KIF15: variants seen among roughly 807,000 people sequenced by gnomAD.
KIF15 encodes the protein kinesin family member 15, also known as kinesin-like protein KIF15.
Under a neutral mutation model 190.6 loss-of-function variants are expected in KIF15, and 140 were observed. The observed-to-expected ratio is 0.73, with a 90% confidence interval of 0.64 to 0.84. The LOEUF (loss-of-function observed/expected upper bound fraction) is 0.84, where lower values mean the gene tolerates loss of function less well. Ranked by LOEUF, KIF15 falls within the 40% of genes least tolerant of loss-of-function variation. KIF15 has a pLI of 0.00. For synonymous variants in KIF15, 528 were observed against 551.3 expected (o/e 0.96, Z 0.59); for missense variants, 1,372 against 1,584.4 (o/e 0.87, Z 2.28).
At chr3:44,863,431 A>T (rs1319475610) in intron 6 of KIF15, 1 of 151,840 alleles carries the variant, frequency 6.6e-6, no homozygotes, top group African/African-American at 2.4e-5. Context: ...TTTAAAAAAA[A>T]AGAAAGAAAA....
At position 44,802,907 on chromosome 3, in the gene KIF15, A is replaced by G; in HGVS notation, c.1603A>G (p.Arg535Gly). Reference sequence around the variant, plus strand: ...ACTGAGATTATTAGAGCCTGTGAAAAGAGCTCAAGAAATGGATGCCCAGAC... The same window carrying G: ...ACTGAGATTATTAGAGCCTGTGAAAGGAGCTCAAGAAATGGATGCCCAGAC... ...RRLRLLEPVK[R>G]AQEMDAQTIA... The change falls in exon 14 of 35, where the codon AGA (arginine) becomes GGA (glycine). Residue 535 changes from arginine to glycine, a missense_variant. Arg to Gly is a moderately radical substitution (Grantham distance 125). Transcript: ENST00000326047. The G allele has an allele frequency of 6.2e-7, 1 of 1,612,684 alleles. No homozygotes were observed. Among genetic ancestry groups the G allele is most frequent in the African/African-American group, 1.3e-5 (1 of 74,932 alleles).
At chr3:44,817,996 T>C (rs1366578042) in intron 20 of KIF15, among the ~76,000 whole-genome samples, 1 of 152,210 alleles carries the variant, frequency 6.6e-6, no homozygotes, top group Non-Finnish European at 1.5e-5. Flanking sequence ...TTTATTCTCT[T>C]TGTAGCAGCT....
In KIF15 at chr3:44,763,351, G is replaced by A. The variant is rs889024681; in HGVS notation, c.19+1467G>A. ...AGAGTCTTGCTCTATTGCCGGGCTG[G>A]AGTGCAGTGGTGCGATATTGGCTCA... On this transcript the variant is annotated intron_variant, in intron 1 of 34. Transcript: ENST00000326047. Among the ~76,000 whole-genome samples the A allele has an allele frequency of 2.6e-5, 4 of 152,220 alleles. No homozygotes were observed. The East Asian group carries it at 5.8e-4, about 22-fold the overall frequency.
intron 6 of KIF15, chr3:44,862,075 GC>G: frequency 8.2e-7 from 1 of 1,218,162 alleles, no homozygotes; most frequent in Non-Finnish European, 1.0e-6. Flanking sequence ...CGCGTTCGGG[GC>G]CCTGGCCGCC....
intron 14 of KIF15, among the ~76,000 whole-genome samples, 197 bp downstream of exon 14, chr3:44,803,188 C>T (rs752371658): frequency 1.1e-4 from 17 of 152,072 alleles, no homozygotes; most frequent in South Asian, 2.1e-4. Flanking sequence ...GCATAAACTA[C>T]GTAAGCTAAT....
intron 1 of KIF15, among the ~76,000 whole-genome samples, chr3:44,763,201 A>G (rs950569984): frequency 6.6e-6 from 1 of 152,214 alleles, no homozygotes; most frequent in Non-Finnish European, 1.5e-5. Context: ...TTGCATTCCC[A>G]GCAGCCCAGA....
At position 44,828,320 on chromosome 3, in the gene KIF15, A is replaced by C; in HGVS notation, c.2943+20A>C. 1 of 1,529,042 alleles carries C rather than the reference A, an allele frequency of 6.5e-7. No homozygotes were observed. The highest frequency in any genetic ancestry group is 9.1e-7 in the Non-Finnish European group (1 of 1,103,610). The allele number at this position is 1,529,042 out of a possible 1,614,324, so 94.7% of individuals were successfully genotyped here. ...GATAAGGTTGGTAGAGTTTGAAGCT[A>C]CATCTCTCTGTGCATTTTCTTATAA... is the stretch of plus-strand genomic sequence containing the variant. On this transcript the variant is annotated intron_variant, in intron 24 of 34. Transcript: ENST00000326047.
intron 26 of KIF15, among the ~76,000 whole-genome samples, chr3:44,837,113 A>AT (rs1418369538): frequency 6.6e-6 from 1 of 152,192 alleles, no homozygotes; most frequent in African/African-American, 2.4e-5. Context: ...TTCTATGTTT[A>AT]TTCAAAAGAA....
At chr3:44,763,155 A>G (rs901245576) in intron 1 of KIF15, among the ~76,000 whole-genome samples, 2 of 152,168 alleles carry the variant, frequency 1.3e-5, no homozygotes, top group Non-Finnish European at 2.9e-5. Context: ...TTTGTTGGCA[A>G]AATTGAGGTT....
At chr3:44,789,575 C>A (rs1174095876) in intron 7 of KIF15, among the ~76,000 whole-genome samples, 2 of 147,560 alleles carry the variant, frequency 1.4e-5, no homozygotes, top group African/African-American at 5.0e-5. Flanking sequence ...ATTGATACTT[C>A]AGAGAGATGC....
chr3:44,815,228 T>G, intron 20 of KIF15, 152 bp downstream of exon 20: 1 of 642,766 alleles, frequency 1.6e-6, no homozygotes, highest in Non-Finnish European at 2.4e-6. Context: ...AGAGGTGATT[T>G]TGGTTTCAGG....
intron 6 of KIF15, among the ~76,000 whole-genome samples, chr3:44,868,311 A>G (rs545292988): frequency 7.4e-4 from 113 of 152,306 alleles, no homozygotes; most frequent in African/African-American, 2.7e-3. Context: ...TTTATGACTG[A>G]ATAATACTCC....
chr3:44,829,414 C>T (rs575501703), intron 24 of KIF15, among the ~76,000 whole-genome samples: 1,417 of 135,622 alleles, frequency 0.01, 23 homozygotes, highest in African/African-American at 0.036. Context: ...ATATATATTA[C>T]ATATGTATAT....
chr3:44,824,049 C>A (rs1697516275), intron 20 of KIF15, among the ~76,000 whole-genome samples: 1 of 152,152 alleles, frequency 6.6e-6, no homozygotes, highest in Admixed American at 6.5e-5. Context: ...GTGAGATGAA[C>A]CAGGTACCTC....
At chr3:44,815,436 C>A (rs529304650) in intron 20 of KIF15, among the ~76,000 whole-genome samples, 4 of 152,304 alleles carry the variant, frequency 2.6e-5, no homozygotes, top group African/African-American at 9.6e-5. Context: ...CTCCCAATAG[C>A]CATGTATTAT....
intron 20 of KIF15, among the ~76,000 whole-genome samples, chr3:44,815,966 C>T (rs1225952821): frequency 6.6e-6 from 1 of 151,972 alleles, no homozygotes; most frequent in Non-Finnish European, 1.5e-5. Flanking sequence ...TTTGGATATA[C>T]AACCAGAAAT....
chr3:44,769,839 A>G (rs950568755), intron 1 of KIF15, among the ~76,000 whole-genome samples: 1 of 152,184 alleles, frequency 6.6e-6, no homozygotes, highest in African/African-American at 2.4e-5. Context: ...TGACACACCC[A>G]GATAACTGGT....
In KIF15 at chr3:44,786,384, CTTT is replaced by C; in HGVS notation, c.460-7_460-5del. On this transcript the variant is annotated splice_polypyrimidine_tract_variant and splice_region_variant and intron_variant, in intron 6 of 34. Transcript: ENST00000326047. ...AAAATAATGTATCTAAATGAGGCTT[CTTT>C]TTTACAGGCTGGAGCTGGAAAGAGT... 2 of 1,587,736 alleles carry C rather than the reference CTTT, an allele frequency of 1.3e-6. No homozygotes were observed. Among genetic ancestry groups the C allele is most frequent in the Non-Finnish European group, 1.7e-6 (2 of 1,164,228 alleles).
In KIF15 at chr3:44,852,337, G is replaced by A; in HGVS notation, c.4102G>A (p.Glu1368Lys). 2 of 1,602,998 alleles carry A rather than the reference G, an allele frequency of 1.2e-6. No individual in the cohort carries two copies. The highest frequency in any genetic ancestry group is 1.1e-5 in the South Asian group (1 of 89,646). Residue 1368 changes from glutamate (E) to lysine (K), a missense_variant and splice_region_variant, in exon 34 of 35, where the codon GAG becomes AAG. Physicochemically the swap from Glu to Lys is moderately conservative, Grantham distance 56. Transcript: ENST00000326047. ...RLKKENVRLA[E>K]ETEKLRAENV... ...AAAGAAGGAAAATGTCAGGCTTGCT[G>A]AGGTAAACCTAAAAATTATTCTGAA...
Sources: gnomAD v4.1 joint callset for allele counts (sites outside exome capture counted in the v4.1 genomes callset) on GRCh38, gnomAD v4.1.1 for gene constraint, MANE v1.5 for transcripts, NCBI Gene and HGNC (gene_info 2026-07-23, HGNC 2026-07-21) for gene names.